Variants in NDFIP1 observed in about 807,000 individuals in gnomAD.
NDFIP1 encodes the protein Nedd4 family interacting protein 1.
Under a neutral mutation model 28.8 loss-of-function variants are expected in NDFIP1, and 7 were observed. The observed-to-expected ratio is 0.24, with a 90% CI of 0.14 to 0.46. NDFIP1 has a LOEUF of 0.46. Ranked by LOEUF, NDFIP1 falls within the 20% of genes least tolerant of loss-of-function variation. The probability of loss-of-function intolerance (pLI) is 0.99; values close to 1 mark genes in which losing one functional copy is unlikely to be tolerated. For synonymous variants in NDFIP1, 92 were observed against 101.0 expected (o/e 0.91, Z 0.53); for missense variants, 194 against 269.1 (o/e 0.72, Z 1.95).
intron 1 of NDFIP1, among the ~76,000 whole-genome samples, chr5:142,114,526 A>G (rs999389547): frequency 3.0e-4 from 46 of 152,246 alleles, no homozygotes; most frequent in African/African-American, 1.1e-3. Flanking sequence ...TTTATGTACC[A>G]TCACCCAGCT....
Position 142,141,995 on chromosome 5 carries a change from A to G in NDFIP1, c.562+1366A>G, listed in dbSNP as rs1020544774. Among the ~76,000 whole-genome samples, 8 of 152,040 alleles carry G rather than the reference A, an allele frequency of 5.3e-5. 1 individual carries two copies. Among genetic ancestry groups the G allele is most frequent in the Non-Finnish European group, 1.2e-4 (8 of 67,998 alleles). ...CAAAAAAATTTTTTTAAATTAACCA[A>G]GCATGGTGGTTTGTGCCTGTAGTCC... On this transcript the variant is annotated intron_variant, in intron 6 of 7. Coordinates refer to ENST00000253814, the MANE Select transcript of NDFIP1 (RefSeq NM_030571.4).
chr5:142,119,412 A>C (rs767400510), intron 1 of NDFIP1, among the ~76,000 whole-genome samples: 2 of 152,250 alleles, frequency 1.3e-5, no homozygotes, highest in Non-Finnish European at 2.9e-5. Flanking sequence ...CTTATTTCCA[A>C]ATGTTACTTA....
chr5:142,108,902 TC>T lies in NDFIP1; in HGVS notation c.-70del. The T allele has an allele frequency of 2.3e-6, 3 of 1,310,522 alleles. No individual in the cohort carries two copies. The highest frequency in any genetic ancestry group is 2.9e-6 in the Non-Finnish European group (3 of 1,020,248). The allele number at this position is 1,310,522 out of a possible 1,614,324, so 81.2% of individuals were successfully genotyped here. On this transcript the variant is annotated 5_prime_UTR_variant, in exon 1 of 8. Transcript: ENST00000253814. ...CGCGTCCCCCTCGGCCTCCCAGCGC[TC>T]CCAAGCCGCAGCGGCCGCGCCCCTT...
chr5:142,151,146 TAAG>T (rs1757443209), intron 7 of NDFIP1, among the ~76,000 whole-genome samples: 1 of 152,238 alleles, frequency 6.6e-6, no homozygotes, highest in African/African-American at 2.4e-5. Context: ...TGTATTATTT[TAAG>T]AGAAACATGC....
At chr5:142,109,761 C>T (rs1334292691) in intron 1 of NDFIP1, among the ~76,000 whole-genome samples, 3 of 152,242 alleles carry the variant, frequency 2.0e-5, no homozygotes, top group East Asian at 3.9e-4. Context: ...ATCATTTTCT[C>T]GGGTTTGATT....
chr5:142,144,516 G>C (rs528637578), intron 6 of NDFIP1, 55 bp from the exon 7 acceptor site: 429 of 1,287,548 alleles, frequency 3.3e-4, no homozygotes, highest in South Asian at 5.4e-4. Context: ...TTTCTGGGGA[G>C]GGGACTTAAC....
intron 1 of NDFIP1, among the ~76,000 whole-genome samples, chr5:142,118,023 G>A (rs1757087548): frequency 6.6e-6 from 1 of 152,068 alleles, no homozygotes; most frequent in Non-Finnish European, 1.5e-5. Context: ...GCACACGCCA[G>A]CACACCCAGC....
intron 6 of NDFIP1, chr5:142,143,732 G>C (rs1213728228): frequency 2.0e-5 from 3 of 152,136 alleles, no homozygotes; most frequent in African/African-American, 7.2e-5. Context: ...TGGGTACAGT[G>C]GTTGACACCT....
intron 3 of NDFIP1, among the ~76,000 whole-genome samples, chr5:142,134,274 A>G (rs1409717585): frequency 3.3e-5 from 5 of 152,308 alleles, no homozygotes; most frequent in African/African-American, 4.8e-5. Context: ...GAGGACAGGA[A>G]GAACAGTTAG....
At chr5:142,121,900 A>C (rs984934113) in intron 1 of NDFIP1, among the ~76,000 whole-genome samples, 1 of 152,184 alleles carries the variant, frequency 6.6e-6, no homozygotes, top group Non-Finnish European at 1.5e-5. Context: ...ACACTCACTA[A>C]TGTATCCATG....
chr5:142,129,506 A>G (rs549689813), intron 1 of NDFIP1, among the ~76,000 whole-genome samples: 1 of 152,246 alleles, frequency 6.6e-6, no homozygotes, highest in Admixed American at 6.5e-5. Flanking sequence ...CAGATGGTAG[A>G]TGCTGATGAG....
rs532077056 is a variant in NDFIP1 at position 142,151,851 on chromosome 5, A to C, written c.*123A>C. On this transcript the variant is annotated 3_prime_UTR_variant, in exon 8 of 8. Transcript: ENST00000253814. ...GAATAATCACCTGCTTTAAAAAAATAAAGTACTGTTGAAAAGATCATTTCT... is the reference window on the plus strand; with the variant it reads ...GAATAATCACCTGCTTTAAAAAAATCAAGTACTGTTGAAAAGATCATTTCT... 4 of 152,936 alleles carry C rather than the reference A, an allele frequency of 2.6e-5. No homozygotes were observed. The South Asian group carries it at 8.3e-4, about 32-fold the overall frequency. The allele number at this position is 152,936 out of a possible 1,614,324, so 9.5% of individuals were successfully genotyped here. A position where few individuals can be genotyped will look rare whatever the true frequency, so the allele number is the denominator to read the frequency against.
At chr5:142,124,869 A>G (rs1757155331) in intron 1 of NDFIP1, among the ~76,000 whole-genome samples, 1 of 151,202 alleles carries the variant, frequency 6.6e-6, no homozygotes, top group Non-Finnish European at 1.5e-5. Context: ...TCTGTCGCCC[A>G]GGCGGGAGTG....
At chr5:142,146,482 T>A (rs976486496) in intron 7 of NDFIP1, among the ~76,000 whole-genome samples, 1 of 152,228 alleles carries the variant, frequency 6.6e-6, no homozygotes, top group Non-Finnish European at 1.5e-5. Flanking sequence ...CTTTTACCTA[T>A]CAAGGATTCC....
chr5:142,142,938 A>ATATATATATATATATAT (rs1418610556), intron 6 of NDFIP1: 7 of 81,324 alleles, frequency 8.6e-5, no homozygotes, highest in Admixed American at 1.6e-4. Flanking sequence ...AAAAAAAAAA[A>ATATATATATATATATAT]AAATATATAT....
chr5:142,121,124 A>G (rs1051890880), intron 1 of NDFIP1, among the ~76,000 whole-genome samples: 1 of 152,208 alleles, frequency 6.6e-6, no homozygotes, highest in African/African-American at 2.4e-5. Context: ...GGAATATTCC[A>G]TTCTTGGGAT....
At chr5:142,142,495 T>C (rs987616272) in intron 6 of NDFIP1, among the ~76,000 whole-genome samples, 19 of 152,172 alleles carry the variant, frequency 1.2e-4, no homozygotes, top group African/African-American at 4.6e-4. Context: ...CTTAAGCGTA[T>C]GTTCAGATTG....
chr5:142,127,968 C>T (rs1414672797), intron 1 of NDFIP1, among the ~76,000 whole-genome samples: 2 of 151,972 alleles, frequency 1.3e-5, no homozygotes, highest in African/African-American at 4.8e-5. Context: ...AAAAATAAAT[C>T]ATATTTGAAG....
chr5:142,117,633 A>G (rs1757082810), intron 1 of NDFIP1, among the ~76,000 whole-genome samples: 1 of 152,006 alleles, frequency 6.6e-6, no homozygotes, highest in Non-Finnish European at 1.5e-5. Context: ...CTAGATTCAA[A>G]CAGTAACTTT....
Sources: allele counts gnomAD v4.1 joint callset (sites outside exome capture counted in the v4.1 genomes callset), GRCh38; gene constraint gnomAD v4.1.1; transcripts MANE v1.5; gene names NCBI Gene and HGNC (gene_info 2026-07-23, HGNC 2026-07-21).